CSMD1: variants seen among roughly 807,000 people sequenced by gnomAD.
CSMD1 encodes CUB and Sushi multiple domains 1, also known as CUB and sushi domain-containing protein 1.
In CSMD1, 213 loss-of-function variants were observed where a neutral mutation model predicts 417.5. The observed-to-expected ratio is 0.51, with a 90% CI of 0.46 to 0.57. CSMD1 has a LOEUF of 0.57. CSMD1 is among the 20% of genes least tolerant of loss of function. The pLI, the probability that CSMD1 is intolerant of heterozygous loss-of-function variation, is 0.00. For synonymous variants in CSMD1, 2,862 were observed against 1,736.8 expected, an observed-to-expected ratio of 1.65 and a Z score of -16.11; for missense variants, 6,923 against 4,529.7, an observed-to-expected ratio of 1.53 and a Z score of -15.17.
At chr8:3,965,533 T>G (rs192275825) in intron 5 of CSMD1, among the ~76,000 whole-genome samples, 1 of 152,210 alleles carries the variant, frequency 6.6e-6, no homozygotes, top group Non-Finnish European at 1.5e-5. Context: ...CAATAGAGCC[T>G]GAACAACTAG....
chr8:4,242,022 G>C (rs1327471543), intron 3 of CSMD1, among the ~76,000 whole-genome samples: 1 of 152,094 alleles, frequency 6.6e-6, no homozygotes, highest in African/African-American at 2.4e-5. Flanking sequence ...TCTGCCCCTT[G>C]TTTTAATACC....
At chr8:4,832,238 G>A (rs1055859852) in intron 1 of CSMD1, among the ~76,000 whole-genome samples, 2 of 152,152 alleles carry the variant, frequency 1.3e-5, no homozygotes, top group Non-Finnish European at 2.9e-5. Context: ...ATTTGGATGA[G>A]GACATTAGCC....
rs747161097 is a variant in CSMD1 at position 3,493,659 on chromosome 8, G to C, written c.1412C>G (p.Ala471Gly). 10 of 1,611,958 alleles carry C rather than the reference G, an allele frequency of 6.2e-6. No individual in the cohort carries two copies. Among genetic ancestry groups the C allele is most frequent in the Middle Eastern group, 1.6e-4 (1 of 6,084 alleles). Residue 471 changes from alanine (A) to glycine (G), a missense_variant, in exon 11 of 70, where the codon GCT becomes GGT. Coordinates refer to ENST00000635120, the MANE Select transcript of CSMD1 (RefSeq NM_033225.6). Reference protein sequence around the residue: ...RGYDTLTVGDAGKVGDTRSVL... With the variant: ...RGYDTLTVGDGGKVGDTRSVL... ...CGATCTGGTGTCTCCCACCTTCCCA[G>C]CATCACCAACCGTCAGGGTGTCATA...
chr8:4,009,696 G>A (rs901134609), intron 4 of CSMD1, among the ~76,000 whole-genome samples: 1 of 151,974 alleles, frequency 6.6e-6, no homozygotes, highest in Non-Finnish European at 1.5e-5. Context: ...GAGGAAGGAA[G>A]GGCCACAAAG....
chr8:2,964,541 G>T (rs1262248264), intron 59 of CSMD1, among the ~76,000 whole-genome samples: 1 of 149,446 alleles, frequency 6.7e-6, no homozygotes, highest in East Asian at 2.1e-4. Flanking sequence ...TGGCCGTGGT[G>T]TTGTTACAAA....
intron 23 of CSMD1, among the ~76,000 whole-genome samples, chr8:3,332,961 G>A (rs956737320): frequency 6.6e-6 from 1 of 152,192 alleles, no homozygotes; most frequent in Non-Finnish European, 1.5e-5. Context: ...TACGGAGCCT[G>A]ACTCAATCCA....
At chr8:3,228,263 T>C (rs1798632962) in intron 27 of CSMD1, among the ~76,000 whole-genome samples, 1 of 152,250 alleles carries the variant, frequency 6.6e-6, no homozygotes, top group South Asian at 2.1e-4. Context: ...AAAAGTGTTT[T>C]GAATCTTTGA....
chr8:3,609,942 C>G (rs560080073), intron 8 of CSMD1, among the ~76,000 whole-genome samples: 31 of 148,166 alleles, frequency 2.1e-4, no homozygotes, highest in African/African-American at 7.2e-4. Flanking sequence ...GCTGGGACTA[C>G]GGGCGCACAC....
At chr8:3,157,567 T>C (rs1416104467) in intron 39 of CSMD1, among the ~76,000 whole-genome samples, 1 of 152,196 alleles carries the variant, frequency 6.6e-6, no homozygotes, top group Non-Finnish European at 1.5e-5. Context: ...CCCCAGACTT[T>C]CAGACCAGCT....
At position 4,880,707 on chromosome 8, in the gene CSMD1, A is replaced by G. The variant is rs1039503834; in HGVS notation, c.85+113625T>C. On this transcript the variant is annotated intron_variant, in intron 1 of 69. Coordinates refer to ENST00000635120, the MANE Select transcript of CSMD1 (RefSeq NM_033225.6). ...GCCGTGCCTGTTCTGCCCATCGCAT[A>G]ATCATAAATATCCCACGTGTCCATG... Among the ~76,000 whole-genome samples, 19 of 152,038 alleles carry G rather than the reference A, an allele frequency of 1.2e-4. 1 individual carries two copies. The highest frequency in any genetic ancestry group is 3.9e-4 in the African/African-American group (16 of 41,328).
chr8:4,680,698 G>C (rs1805982943), intron 1 of CSMD1, among the ~76,000 whole-genome samples: 1 of 152,058 alleles, frequency 6.6e-6, no homozygotes, highest in South Asian at 2.1e-4. Flanking sequence ...TCCCGCCTCA[G>C]CCTCCCGAGT....
chr8:4,329,229 A>C (rs1488571402), intron 3 of CSMD1, among the ~76,000 whole-genome samples: 1 of 152,218 alleles, frequency 6.6e-6, no homozygotes, highest in Non-Finnish European at 1.5e-5. Flanking sequence ...GGACCTTATC[A>C]GTGTTGACAT....
chr8:2,939,815 G>A (rs774820102), intron 69 of CSMD1, among the ~76,000 whole-genome samples: 7 of 152,210 alleles, frequency 4.6e-5, no homozygotes, highest in African/African-American at 2.4e-5. Context: ...TGGAACATGC[G>A]CCAGCAGTGA....
intron 45 of CSMD1, 88 bp downstream of exon 45, chr8:3,107,630 T>G (rs1379614226): frequency 2.6e-6 from 2 of 762,218 alleles, no homozygotes; most frequent in Non-Finnish European, 4.4e-6. Flanking sequence ...AATTACTCAT[T>G]AACTTGTCTG....
At chr8:3,502,657 A>T (rs1287693296) in intron 10 of CSMD1, among the ~76,000 whole-genome samples, 2 of 152,214 alleles carry the variant, frequency 1.3e-5, no homozygotes, top group East Asian at 3.9e-4. Flanking sequence ...ATTTCGGAGA[A>T]GGCAGAACTA....
intron 4 of CSMD1, among the ~76,000 whole-genome samples, chr8:4,019,283 G>C (rs952175790): frequency 6.6e-6 from 1 of 152,150 alleles, no homozygotes; most frequent in Non-Finnish European, 1.5e-5. Context: ...AAGATTCAGG[G>C]CGAGAGAGCT....
At chr8:3,995,439 G>C (rs922272104) in intron 5 of CSMD1, among the ~76,000 whole-genome samples, 2 of 152,294 alleles carry the variant, frequency 1.3e-5, no homozygotes, top group East Asian at 3.9e-4. Context: ...TACCCCGACA[G>C]TTACCTGTTC....
intron 5 of CSMD1, among the ~76,000 whole-genome samples, chr8:3,835,433 G>C (rs7839103): frequency 0.48 from 72,867 of 151,654 alleles, 17,880 homozygotes; most frequent in East Asian, 0.57. Context: ...ATGGATGAAA[G>C]TGGAAACCAT....
At chr8:3,190,619 G>T (rs147457796) in intron 33 of CSMD1, among the ~76,000 whole-genome samples, 5 of 152,098 alleles carry the variant, frequency 3.3e-5, no homozygotes, top group Non-Finnish European at 5.9e-5. Flanking sequence ...ATCAGATCCA[G>T]CAATCCCACT....
Sources: gnomAD v4.1 joint callset for allele counts (sites outside exome capture counted in the v4.1 genomes callset) on GRCh38, gnomAD v4.1.1 for gene constraint, MANE v1.5 for transcripts, NCBI Gene and HGNC (gene_info 2026-07-23, HGNC 2026-07-21) for gene names.